TTC7A: variants seen among roughly 807,000 people sequenced by gnomAD.
The protein encoded by TTC7A is tetratricopeptide repeat protein 7A.
TTC7A carries 110 observed loss-of-function variants against 103.7 expected under a neutral mutation model. The observed-to-expected ratio is 1.06, with a 90% CI of 0.91 to 1.24. The LOEUF (loss-of-function observed/expected upper bound fraction) is 1.24, where lower values mean the gene tolerates loss of function less well. TTC7A is among the 50% of genes most tolerant of loss of function. The pLI, the probability that TTC7A is intolerant of heterozygous loss-of-function variation, is 0.00. For synonymous variants in TTC7A, 521 were observed against 467.9 expected (o/e 1.11, Z -1.47); for missense variants, 1,340 against 1,116.3 (o/e 1.20, Z -2.86).
Position 46,994,422 on chromosome 2 carries a change from C to G in TTC7A, c.909C>G (p.Pro303=). 6.2e-7 allele frequency: 1 copy of G among 1,613,990 alleles called. No individual in the cohort carries two copies. Among genetic ancestry groups the G allele is most frequent in the Non-Finnish European group, 8.5e-7 (1 of 1,179,964 alleles). The change falls in exon 7 of 20, where the codon CCC becomes CCG. Residue 303 remains proline (P), a synonymous_variant. Coordinates refer to ENST00000319190, the MANE Select transcript of TTC7A (RefSeq NM_020458.4). ...HSLSEECYWS[P]LSHPLPEFMG... ...TGAGTGAGGAGTGCTACTGGAGCCC[C>G]CTGTCCCACCCTCTGCCTGAGTTCA...
chr2:47,011,392 T>G lies in TTC7A; in HGVS notation c.1349T>G (p.Val450Gly). The change falls in exon 11 of 20, where the codon GTG (valine) becomes GGG (glycine). Residue 450 changes from valine (V) to glycine (G), a missense_variant. Transcript: ENST00000319190. ...AAGTTGCGGCCCTCGGACCCCACCG[T>G]GCCCCTGATGGCCGCGAAGGTCTGC... ...CVKLRPSDPTVPLMAAKVCIG... is the reference protein window; with the variant it reads ...CVKLRPSDPTGPLMAAKVCIG... 6.2e-7 allele frequency: 1 copy of G among 1,611,706 alleles called. No individual in the cohort carries two copies. The highest frequency in any genetic ancestry group is 1.3e-5 in the African/African-American group (1 of 75,052).
chr2:46,971,622 C>T (rs1456246860), intron 3 of TTC7A, among the ~76,000 whole-genome samples: 1 of 150,716 alleles, frequency 6.6e-6, no homozygotes, highest in Non-Finnish European at 1.5e-5. Flanking sequence ...CCGATGTAGT[C>T]ATCCACTCAG....
chr2:47,008,352 G>A (rs542600199), intron 10 of TTC7A, among the ~76,000 whole-genome samples: 18 of 152,178 alleles, frequency 1.2e-4, no homozygotes, highest in African/African-American at 3.9e-4. Context: ...GCTCCTAGAC[G>A]CTCTCCAGGC....
chr2:47,018,720 T>C (rs1299451970), intron 11 of TTC7A, among the ~76,000 whole-genome samples: 2 of 151,992 alleles, frequency 1.3e-5, no homozygotes, highest in African/African-American at 2.4e-5. Flanking sequence ...CTATTAATAA[T>C]AGTTATTTTT....
At chr2:46,937,731 C>T (rs185766125), upstream of TTC7A, among the ~76,000 whole-genome samples, 115 of 152,334 alleles carry the variant, frequency 7.5e-4, no homozygotes, top group African/African-American at 2.6e-3. This position sits in a 1 kb window ranked among gnomAD's most constrained non-coding sequence, Gnocchi z 4.0. Flanking sequence ...AGCTGCCATG[C>T]CTGGCCCAAC....
At chr2:47,000,428 G>A (rs775360071) in intron 8 of TTC7A, among the ~76,000 whole-genome samples, 2 of 152,240 alleles carry the variant, frequency 1.3e-5, no homozygotes, top group Non-Finnish European at 2.9e-5. Context: ...CCTTGGTTCA[G>A]TGGAGGTGGG....
intron 8 of TTC7A, among the ~76,000 whole-genome samples, chr2:47,002,962 A>G (rs1676987604): frequency 6.6e-6 from 1 of 152,160 alleles, no homozygotes; most frequent in Non-Finnish European, 1.5e-5. Flanking sequence ...TTGAGGGCCT[A>G]TCACCAGCCT....
intron 5 of TTC7A, among the ~76,000 whole-genome samples, chr2:46,984,490 G>A (rs753593511): frequency 1.3e-5 from 2 of 152,202 alleles, no homozygotes; most frequent in African/African-American, 2.4e-5. Flanking sequence ...GAGAGGGAAG[G>A]AATGCAAAAC....
chr2:47,042,401 C>G (rs755129038), intron 15 of TTC7A, among the ~76,000 whole-genome samples: 2 of 152,028 alleles, frequency 1.3e-5, no homozygotes, highest in Non-Finnish European at 2.9e-5. Context: ...ACTCAGGAGG[C>G]TGAGGCAGGA....
At chr2:47,001,696 G>A (rs1377769099) in intron 8 of TTC7A, among the ~76,000 whole-genome samples, 2 of 151,766 alleles carry the variant, frequency 1.3e-5, no homozygotes, top group Non-Finnish European at 2.9e-5. Context: ...GTCTCTACTA[G>A]AAATACAAAA....
upstream of TTC7A, among the ~76,000 whole-genome samples, chr2:46,936,713 T>C (rs1017699549): frequency 2.0e-5 from 3 of 152,178 alleles, no homozygotes; most frequent in Non-Finnish European, 2.9e-5. Flanking sequence ...AAAGATAATT[T>C]AGAATTGCGG....
intron 1 of TTC7A, among the ~76,000 whole-genome samples, chr2:46,949,395 G>C (rs1227571508): frequency 6.6e-6 from 1 of 152,022 alleles, no homozygotes; most frequent in Admixed American, 6.6e-5. Flanking sequence ...ATCATGCCTG[G>C]CTAATTTTTG....
chr2:47,053,153 G>A (rs534517134), intron 18 of TTC7A, among the ~76,000 whole-genome samples: 12 of 152,148 alleles, frequency 7.9e-5, no homozygotes, highest in East Asian at 3.9e-4. Flanking sequence ...TTAGCATCTC[G>A]GGGTCCCTTC....
intron 11 of TTC7A, among the ~76,000 whole-genome samples, chr2:47,017,864 C>T (rs1247912487): frequency 1.3e-5 from 2 of 152,068 alleles, no homozygotes; most frequent in Non-Finnish European, 2.9e-5. Flanking sequence ...TGACACTTGC[C>T]ATCAGAGACT....
chr2:47,028,766 A>G (rs187802387), intron 14 of TTC7A, among the ~76,000 whole-genome samples: 59 of 152,306 alleles, frequency 3.9e-4, no homozygotes, highest in Middle Eastern at 3.4e-3. Context: ...CTGTGCCCAC[A>G]TTAGAGGCCA....
chr2:47,043,252 C>T (rs893104510), intron 15 of TTC7A, among the ~76,000 whole-genome samples: 4 of 152,168 alleles, frequency 2.6e-5, no homozygotes, highest in Non-Finnish European at 5.9e-5. Context: ...GAAAGTTCTG[C>T]AGTGAACTAG....
At chr2:46,949,525 G>A (rs1033911738) in intron 1 of TTC7A, among the ~76,000 whole-genome samples, 5 of 152,112 alleles carry the variant, frequency 3.3e-5, no homozygotes, top group African/African-American at 7.2e-5. Context: ...GAGCCACTGC[G>A]CTCACTAAAC....
chr2:47,036,022 C>T (rs1681063183), intron 15 of TTC7A, among the ~76,000 whole-genome samples: 1 of 152,228 alleles, frequency 6.6e-6, no homozygotes, highest in Non-Finnish European at 1.5e-5. Context: ...AGTTCTTCCA[C>T]CCCTGAATGG....
chr2:47,060,892 G>A lies in TTC7A; in HGVS notation c.2276G>A (p.Gly759Asp). Residue 759 changes from glycine (G) to aspartate (D), a missense_variant, in exon 19 of 20, where the codon GGC (glycine) becomes GAC (aspartate). Coordinates refer to ENST00000319190, the MANE Select transcript of TTC7A (RefSeq NM_020458.4). Reference sequence around the variant, plus strand: ...CGGGGCCGGCTGGCTGAGGTGAAGGGCAACCTGGAGGAGGCCAAGCAGCTG... The same window carrying A: ...CGGGGCCGGCTGGCTGAGGTGAAGGACAACCTGGAGGAGGCCAAGCAGCTG... ...YMRGRLAEVK[G>D]NLEEAKQLYK... The A allele has an allele frequency of 1.2e-6, 2 of 1,614,184 alleles. No homozygotes were observed. The highest frequency in any genetic ancestry group is 1.1e-5 in the South Asian group (1 of 91,084).
Sources: gnomAD v4.1 joint callset for allele counts (sites outside exome capture counted in the v4.1 genomes callset) on GRCh38, gnomAD v4.1.1 for gene constraint, Gnocchi (gnomAD v3.1) non-coding constraint, MANE v1.5 for transcripts, NCBI Gene and HGNC (gene_info 2026-07-23, HGNC 2026-07-21) for gene names.